The following KIAA1217 variants were observed in gnomAD, a reference collection of about 807,000 sequenced individuals.
KIAA1217 encodes KIAA1217.
A neutral mutation model predicts 163.9 loss-of-function variants in KIAA1217; 88 were observed. That is an observed-to-expected ratio of 0.54 (90% CI 0.45 to 0.64). The LOEUF (loss-of-function observed/expected upper bound fraction) is 0.64, where lower values mean the gene tolerates loss of function less well. KIAA1217 is among the 30% of genes least tolerant of loss of function. KIAA1217 has a pLI of 0.00. For missense variants in KIAA1217, 2,372 were observed against 2,475.0 expected (o/e 0.96, Z 0.88); for synonymous variants, 903 against 923.1 (o/e 0.98, Z 0.39).
At chr10:24,107,360 T>C (rs2062672538) in intron 2 of KIAA1217, among the ~76,000 whole-genome samples, 1 of 152,246 alleles carries the variant, frequency 6.6e-6, no homozygotes, top group African/African-American at 2.4e-5. Context: ...TGCATGTGTC[T>C]TTATGGTAGA....
At chr10:23,915,358 G>T (rs770688588) in intron 1 of KIAA1217, among the ~76,000 whole-genome samples, 1 of 152,148 alleles carries the variant, frequency 6.6e-6, no homozygotes, top group Non-Finnish European at 1.5e-5. Context: ...GAGATGTGGG[G>T]GGGAGGGAAG....
intron 1 of KIAA1217, among the ~76,000 whole-genome samples, chr10:24,003,114 T>C (rs1349165352): frequency 6.6e-6 from 1 of 152,248 alleles, no homozygotes; most frequent in Non-Finnish European, 1.5e-5. Context: ...TATAAACATG[T>C]GCATGCAAGT....
At chr10:23,906,840 A>G (rs763458983) in intron 1 of KIAA1217, among the ~76,000 whole-genome samples, 10 of 152,138 alleles carry the variant, frequency 6.6e-5, no homozygotes, top group Admixed American at 5.9e-4. Context: ...TTTGTAATTG[A>G]TGATCATACA....
At chr10:24,129,034 G>A (rs1256105344) in intron 2 of KIAA1217, among the ~76,000 whole-genome samples, 3 of 152,170 alleles carry the variant, frequency 2.0e-5, no homozygotes, top group African/African-American at 7.2e-5. Context: ...TTTGTATAGG[G>A]TAGTAATCCT....
intron 2 of KIAA1217, among the ~76,000 whole-genome samples, chr10:24,089,639 T>G (rs1489640925): frequency 1.3e-5 from 2 of 151,834 alleles, no homozygotes; most frequent in African/African-American, 4.9e-5. Context: ...GGCTCTGTTC[T>G]TTTCCATTGG....
At chr10:24,089,780 A>G (rs187417981) in intron 2 of KIAA1217, among the ~76,000 whole-genome samples, 11 of 151,986 alleles carry the variant, frequency 7.2e-5, no homozygotes, top group Non-Finnish European at 1.0e-4. Flanking sequence ...CCACTGCTCA[A>G]TGAAATAAAA....
In KIAA1217 at chr10:23,732,780, A is replaced by T. The variant is rs540049349; in HGVS notation, c.-321+37546A>T. ...CTAATATGTGTATTCAGTGCTATAA[A>T]GTTTTCTCTAAGCATTACTTTTGTT... On this transcript the variant is annotated intron_variant, in intron 1 of 18. Coordinates refer to the KIAA1217 transcript ENST00000376462. Among the ~76,000 whole-genome samples, 3 of 152,222 alleles carry T rather than the reference A, an allele frequency of 2.0e-5. No homozygotes were observed. In the South Asian group the frequency reaches 6.2e-4, roughly 32 times the overall value.
chr10:23,834,535 A>G (rs1225729353), intron 1 of KIAA1217, among the ~76,000 whole-genome samples: 1 of 152,218 alleles, frequency 6.6e-6, no homozygotes, highest in African/African-American at 2.4e-5. Context: ...TAAACATGCC[A>G]TATGTAAGAA....
chr10:23,895,696 T>C (rs948151465), intron 1 of KIAA1217, among the ~76,000 whole-genome samples: 3 of 152,064 alleles, frequency 2.0e-5, no homozygotes, highest in Non-Finnish European at 2.9e-5. Flanking sequence ...TGCACACGTA[T>C]GTTTATTGCG....
rs1349613779 is a variant in KIAA1217 at position 23,774,974 on chromosome 10, T to G, written c.-321+79740T>G. Among the ~76,000 whole-genome samples the G allele has an allele frequency of 9.8e-5, 15 of 152,338 alleles. 4 individuals carry two copies. Among genetic ancestry groups the G allele is most frequent in the Admixed American group, 9.8e-4 (15 of 15,302 alleles). On this transcript the variant is annotated intron_variant, in intron 1 of 18. Coordinates refer to the KIAA1217 transcript ENST00000376462. ...CCATGAATGGAAAGGGTGAGCTTCATGGAGAAGATGAAGCTGATGAGGTTG... is the reference window on the plus strand; with the variant it reads ...CCATGAATGGAAAGGGTGAGCTTCAGGGAGAAGATGAAGCTGATGAGGTTG...
chr10:24,323,869 CT>C (rs1171299312), intron 2 of KIAA1217, among the ~76,000 whole-genome samples: 1 of 147,052 alleles, frequency 6.8e-6, no homozygotes, highest in African/African-American at 2.6e-5. Context: ...CGTATTTCTT[CT>C]TAGTACCTGA....
chr10:24,415,113 T>C (rs903229829), intron 3 of KIAA1217, among the ~76,000 whole-genome samples: 5 of 116,946 alleles, frequency 4.3e-5, no homozygotes, highest in Non-Finnish European at 7.3e-5. Context: ...TCTCTCTCTT[T>C]TTTTTTTTTT....
intron 1 of KIAA1217, among the ~76,000 whole-genome samples, chr10:23,934,625 A>ATATTTTTT (rs1554826424): frequency 1.8e-4 from 12 of 68,542 alleles, no homozygotes; most frequent in African/African-American, 7.4e-4. Context: ...ATATATATAT[A>ATATTTTTT]TTTTTTTTTT....
At chr10:23,914,155 C>T (rs1156602589) in intron 1 of KIAA1217, among the ~76,000 whole-genome samples, 3 of 152,050 alleles carry the variant, frequency 2.0e-5, no homozygotes, top group Admixed American at 2.0e-4. Context: ...GATGAGTGGG[C>T]CTTGGTCATT....
chr10:23,956,290 GA>G (rs1844553930), intron 1 of KIAA1217, among the ~76,000 whole-genome samples: 1 of 152,066 alleles, frequency 6.6e-6, no homozygotes, highest in Non-Finnish European at 1.5e-5. Context: ...TTAAGACCTA[GA>G]AAATAAACAG....
chr10:23,718,449 GT>G (rs1264078940), intron 1 of KIAA1217, among the ~76,000 whole-genome samples: 32 of 152,138 alleles, frequency 2.1e-4, no homozygotes, highest in Admixed American at 1.7e-3. Context: ...TCCCAAGTTT[GT>G]TTTTTTCCAT....
chr10:23,700,018 A>G (rs1324658934), intron 1 of KIAA1217, among the ~76,000 whole-genome samples: 1 of 152,200 alleles, frequency 6.6e-6, no homozygotes, highest in African/African-American at 2.4e-5. Flanking sequence ...CATCACTTAG[A>G]TAGAACTGGA....
intron 3 of KIAA1217, among the ~76,000 whole-genome samples, chr10:24,432,004 GTAGCTTACCCATGGC>G (rs1178529156): frequency 6.6e-6 from 1 of 151,632 alleles, no homozygotes; most frequent in Non-Finnish European, 1.5e-5. Flanking sequence ...TTTAAGCTAT[GTAGCTTACCCATGGC>G]TATAATGATT....
intron 2 of KIAA1217, among the ~76,000 whole-genome samples, chr10:24,044,118 C>CATCA (rs1848816302): frequency 6.6e-6 from 1 of 152,194 alleles, no homozygotes; most frequent in East Asian, 1.9e-4. Flanking sequence ...TTTTGAAAGA[C>CATCA]ATCATCATCA....
Sources: gnomAD v4.1 joint callset for allele counts (sites outside exome capture counted in the v4.1 genomes callset) on GRCh38, gnomAD v4.1.1 for gene constraint, MANE v1.5 for transcripts, NCBI Gene and HGNC (gene_info 2026-07-23, HGNC 2026-07-21) for gene names.